PAK4: variants seen among roughly 807,000 people sequenced by gnomAD.
PAK4 encodes the protein serine/threonine-protein kinase PAK 4.
In PAK4, 49 loss-of-function variants were observed where a neutral mutation model predicts 53.5. The observed-to-expected ratio is 0.92, with a 90% CI of 0.73 to 1.16. The LOEUF is 1.16. PAK4 is among the 50% of genes most tolerant of loss of function. The pLI is 0.00. For synonymous variants in PAK4, 376 were observed against 375.6 expected (o/e 1.00, Z -0.01); for missense variants, 824 against 850.7 (o/e 0.97, Z 0.39).
intron 1 of PAK4, among the ~76,000 whole-genome samples, chr19:39,139,732 G>C (rs1053225834): frequency 6.6e-6 from 1 of 152,142 alleles, no homozygotes; most frequent in African/African-American, 2.4e-5. Flanking sequence ...CTTTGGCTGC[G>C]CCTTAGGGTC....
At chr19:39,171,777 G>A (rs1183890235) in intron 2 of PAK4, among the ~76,000 whole-genome samples, 12 of 152,202 alleles carry the variant, frequency 7.9e-5, no homozygotes, top group African/African-American at 2.7e-4. Flanking sequence ...TGGCAGCCCC[G>A]GGCAGGGTCC....
Position 39,174,013 on chromosome 19 carries a change from G to T in PAK4, c.1098+3G>T, listed in dbSNP as rs1164090419. 2 of 1,566,678 alleles carry T rather than the reference G, an allele frequency of 1.3e-6. No homozygotes were observed. Among genetic ancestry groups the T allele is most frequent in the East Asian group, 4.6e-5 (2 of 43,062 alleles). On this transcript the variant is annotated splice_donor_region_variant and intron_variant, in intron 4 of 8. Coordinates refer to ENST00000358301, the Ensembl canonical transcript of PAK4. Reference sequence around the variant, plus strand: ...GGCGCGAGCTGCTCTTCAACGAGGTGCGGGCGCTGCTGCCCTGCCGCCCTG... The same window carrying T: ...GGCGCGAGCTGCTCTTCAACGAGGTTCGGGCGCTGCTGCCCTGCCGCCCTG...
intron 1 of PAK4, among the ~76,000 whole-genome samples, chr19:39,130,425 TGAG>T (rs1410868631): frequency 2.6e-5 from 4 of 151,720 alleles, no homozygotes; most frequent in South Asian, 2.1e-4. Flanking sequence ...CGTGGGGAGT[TGAG>T]GAGGGCTTTC....
downstream of PAK4, chr19:39,180,147 C>G (rs1205727360): frequency 6.6e-6 from 1 of 152,282 alleles, no homozygotes; most frequent in Non-Finnish European, 1.5e-5. Flanking sequence ...GTCCACGCCT[C>G]CCACCCTTCA....
chr19:39,130,322 T>TGGGGAAACGCAGGCAGAGGGGGG (rs2073684439), intron 1 of PAK4, among the ~76,000 whole-genome samples: 1 of 60,580 alleles, frequency 1.7e-5, no homozygotes, highest in Non-Finnish European at 3.4e-5. Flanking sequence ...GCAGAGGGGT[T>TGGGGAAACGCAGGCAGAGGGGGG]GGGGCTGGAT....
chr19:39,148,466 C>CTTTTTTTTTCTTTTTTTTT (rs2074040156), intron 1 of PAK4, among the ~76,000 whole-genome samples: 1 of 56,786 alleles, frequency 1.8e-5, no homozygotes, highest in Non-Finnish European at 2.9e-5. Flanking sequence ...GTTTCTTCTG[C>CTTTTTTTTTCTTTTTTTTT]TTTTTTTTTT....
chr19:39,141,925 C>T (rs1568502031), intron 1 of PAK4, among the ~76,000 whole-genome samples: 1 of 152,244 alleles, frequency 6.6e-6, no homozygotes, highest in East Asian at 1.9e-4. Context: ...CGGCGCCCGG[C>T]CCATTTGTTT....
At chr19:39,164,824 G>A (rs1297809555) in intron 1 of PAK4, among the ~76,000 whole-genome samples, 4 of 152,150 alleles carry the variant, frequency 2.6e-5, no homozygotes, top group Admixed American at 6.5e-5. Context: ...GGTTGAGGGC[G>A]CCTGCGAGCT....
chr19:39,163,394 G>A (rs1267351150), intron 1 of PAK4, among the ~76,000 whole-genome samples: 1 of 152,176 alleles, frequency 6.6e-6, no homozygotes, highest in Non-Finnish European at 1.5e-5. Flanking sequence ...GAGCCTGGAG[G>A]GGGCGGGGCA....
downstream of PAK4, chr19:39,181,267 G>A (rs948187657): frequency 6.6e-6 from 1 of 152,342 alleles, no homozygotes; most frequent in Non-Finnish European, 1.5e-5. Context: ...TTGAAGGCAT[G>A]GCTTTGGGTG....
At chr19:39,129,736 T>C (rs2073665368) in intron 1 of PAK4, among the ~76,000 whole-genome samples, 1 of 147,530 alleles carries the variant, frequency 6.8e-6, no homozygotes, top group African/African-American at 2.5e-5. Flanking sequence ...GAAGAAAGGA[T>C]GGAAGGGCTT....
At chr19:39,155,292 A>C (rs1053263526) in intron 1 of PAK4, among the ~76,000 whole-genome samples, 1 of 152,136 alleles carries the variant, frequency 6.6e-6, no homozygotes, top group Admixed American at 6.5e-5. Context: ...AGGGCCTCCC[A>C]CAGGTGTGCC....
intron 1 of PAK4, among the ~76,000 whole-genome samples, chr19:39,138,438 C>T (rs1872090100): frequency 6.6e-6 from 1 of 152,240 alleles, no homozygotes; most frequent in Non-Finnish European, 1.5e-5. Context: ...CGTGCGCACA[C>T]ACCTGACACT....
chr19:39,146,055 G>A (rs115728047), intron 1 of PAK4, among the ~76,000 whole-genome samples: 2,191 of 152,358 alleles, frequency 0.014, 51 homozygotes, highest in African/African-American at 0.05. Flanking sequence ...AGAAGCTAGT[G>A]TGTGGAAGCC....
rs2074031120 is a variant in PAK4 at position 39,147,976 on chromosome 19, G to T, written c.-22-21556G>T. Among the ~76,000 whole-genome samples, 5 of 138,716 alleles carry T rather than the reference G, an allele frequency of 3.6e-5. 1 individual carries two copies. In the South Asian group the frequency reaches 1.2e-3, roughly 33 times the overall value. The allele number at this position is 138,716 out of a possible 152,430, so 91.0% of individuals were successfully genotyped here. On this transcript the variant is annotated intron_variant, in intron 1 of 8. Coordinates refer to ENST00000358301, the Ensembl canonical transcript of PAK4. ...TCTCTTTTTTTTTTTTTTTTAGATG[G>T]AGTCTCACTCTGTCGCCCAGGCTGG...
rs8109702 is a variant in PAK4 at position 39,126,533 on chromosome 19, T to G, written c.-23+614T>G. The stretch of plus-strand genomic sequence containing the variant: ...CACAAATAATAATGGCAAACACTCA[T>G]GAAACACTATGGGCTAGACCCTCTT... On this transcript the variant is annotated intron_variant, in intron 1 of 8. Coordinates refer to ENST00000358301, the Ensembl canonical transcript of PAK4. 6.2e-3 allele frequency among the ~76,000 whole-genome samples: 920 copies of G among 148,130 alleles called. 10 individuals carry two copies. Among genetic ancestry groups the G allele is most frequent in the African/African-American group, 0.022 (877 of 39,458 alleles).
chr19:39,174,162 G>GC, intron 4 of PAK4, 152 bp downstream of exon 5: 1 of 626,476 alleles, frequency 1.6e-6, no homozygotes, highest in Non-Finnish European at 2.8e-6. Context: ...CGTCTCGTCC[G>GC]CCCCAGCTGG....
intron 1 of PAK4, chr19:39,156,610 AG>A (rs1479591042): frequency 1.5e-5 from 1 of 66,746 alleles, no homozygotes; most frequent in African/African-American, 5.9e-5. Context: ...CTCCAGGCCC[AG>A]CCCCGCCTCC....
intron 1 of PAK4, among the ~76,000 whole-genome samples, chr19:39,132,134 A>G (rs957823351): frequency 2.6e-5 from 4 of 152,188 alleles, no homozygotes; most frequent in Non-Finnish European, 5.9e-5. Flanking sequence ...GTCTATGAGC[A>G]TGGTCATGTG....
Sources: gnomAD v4.1 joint callset for allele counts (sites outside exome capture counted in the v4.1 genomes callset) on GRCh38, gnomAD v4.1.1 for gene constraint, MANE v1.5 for transcripts, NCBI Gene and HGNC (gene_info 2026-07-23, HGNC 2026-07-21) for gene names.